The following FTO variants were observed in gnomAD, a reference collection of about 807,000 sequenced individuals.
FTO encodes FTO alpha-ketoglutarate dependent dioxygenase.
Under a neutral mutation model 63.9 loss-of-function variants are expected in FTO, and 47 were observed. That is an observed-to-expected ratio of 0.74 (90% CI 0.58 to 0.94). FTO has a LOEUF of 0.94. FTO is among the 40% of genes least tolerant of loss of function. The pLI, the probability that FTO is intolerant of heterozygous loss-of-function variation, is 0.00. For missense variants in FTO, 562 were observed against 618.1 expected, an observed-to-expected ratio of 0.91 and a Z score of 0.96; for synonymous variants, 207 against 224.4, an observed-to-expected ratio of 0.92 and a Z score of 0.69.
At chr16:53,716,536 T>C (rs1409637676) in intron 1 of FTO, among the ~76,000 whole-genome samples, 3 of 152,110 alleles carry the variant, frequency 2.0e-5, no homozygotes, top group Non-Finnish European at 4.4e-5. Flanking sequence ...TTGTGAAGAT[T>C]AAATGATTTA....
rs932706316 is a variant in FTO at position 53,911,452 on chromosome 16, T to C, written c.1239+22501T>C. ...GGAAGTTAAGAAGTGGCCATACCGT[T>C]GCATTCATCATGGGAAGAATTTCAG... On this transcript the variant is annotated intron_variant, in intron 7 of 8. Coordinates refer to ENST00000471389, the MANE Select transcript of FTO (RefSeq NM_001080432.3). 27 of 702,986 alleles carry C rather than the reference T, an allele frequency of 3.8e-5. No homozygotes were observed. In the African/African-American group the frequency reaches 3.8e-4, roughly 10 times the overall value. The allele number at this position is 702,986 out of a possible 1,614,324, so 43.5% of individuals were successfully genotyped here.
intron 1 of FTO, among the ~76,000 whole-genome samples, chr16:53,808,952 G>C (rs1022171794): frequency 6.6e-6 from 1 of 152,110 alleles, no homozygotes; most frequent in African/African-American, 2.4e-5. Flanking sequence ...ATGTGTATAT[G>C]TGTCTGTGAG....
chr16:53,731,059 G>A (rs1462989565), intron 1 of FTO, among the ~76,000 whole-genome samples: 1 of 152,172 alleles, frequency 6.6e-6, no homozygotes, highest in African/African-American at 2.4e-5. Flanking sequence ...TATGGAAAAG[G>A]TGTCCAGATG....
At chr16:53,901,482 T>C (rs576334244) in intron 7 of FTO, among the ~76,000 whole-genome samples, 1 of 152,330 alleles carries the variant, frequency 6.6e-6, no homozygotes, top group Non-Finnish European at 1.5e-5. Flanking sequence ...ATTCATGAGC[T>C]ATTTGATTTG....
intron 8 of FTO, among the ~76,000 whole-genome samples, chr16:53,955,663 G>A (rs765955784): frequency 1.3e-5 from 2 of 152,224 alleles, no homozygotes; most frequent in Non-Finnish European, 2.9e-5. Context: ...GTTAGGTGCT[G>A]TGGAAAACAC....
chr16:53,944,792 A>G (rs1331083476), intron 8 of FTO, among the ~76,000 whole-genome samples: 2 of 152,258 alleles, frequency 1.3e-5, no homozygotes, highest in Non-Finnish European at 2.9e-5. Flanking sequence ...TTAGGTGTTC[A>G]ATAAAAATGA....
At chr16:53,784,609 C>CT (rs1251411769) in intron 1 of FTO, among the ~76,000 whole-genome samples, 1 of 152,066 alleles carries the variant, frequency 6.6e-6, no homozygotes, top group Non-Finnish European at 1.5e-5. Context: ...GAAAAAGAGA[C>CT]TAAGTTTAAG....
intron 1 of FTO, among the ~76,000 whole-genome samples, chr16:53,788,403 G>C (rs2077807814): frequency 6.6e-6 from 1 of 151,946 alleles, no homozygotes; most frequent in African/African-American, 2.4e-5. Context: ...AGGAGTACGA[G>C]ACCAGCCTGG....
intron 8 of FTO, among the ~76,000 whole-genome samples, chr16:53,966,709 A>C (rs889301587): frequency 6.6e-6 from 1 of 152,210 alleles, no homozygotes; most frequent in Admixed American, 6.5e-5. Context: ...AATAGCCTCC[A>C]AGTTCAGTGA....
At chr16:53,890,258 A>G (rs1842673629) in intron 7 of FTO, among the ~76,000 whole-genome samples, 1 of 152,192 alleles carries the variant, frequency 6.6e-6, no homozygotes, top group South Asian at 2.1e-4. Context: ...TTTTAAAGCC[A>G]TTTTATTGGG....
Position 54,098,279 on chromosome 16 carries a change from G to A in FTO, c.1365-13483G>A, listed in dbSNP as rs373581232. Reference sequence around the variant, plus strand: ...CACACAGTTGGTATTAGATGCTACTGAGTTCCCTACCCTAAGTGACCTGTT... The same window carrying A: ...CACACAGTTGGTATTAGATGCTACTAAGTTCCCTACCCTAAGTGACCTGTT... On this transcript the variant is annotated intron_variant, in intron 8 of 8. Coordinates refer to ENST00000471389, the MANE Select transcript of FTO (RefSeq NM_001080432.3). Among the ~76,000 whole-genome samples, 11 of 152,306 alleles carry A rather than the reference G, an allele frequency of 7.2e-5. No individual in the cohort carries two copies. In the East Asian group the frequency reaches 2.1e-3, roughly 29 times the overall value.
intron 7 of FTO, among the ~76,000 whole-genome samples, chr16:53,892,966 C>T (rs554666689): frequency 2.0e-5 from 3 of 152,246 alleles, no homozygotes; most frequent in African/African-American, 7.2e-5. Context: ...TCTAAAACTC[C>T]CCCATCCTCC....
intron 8 of FTO, among the ~76,000 whole-genome samples, chr16:54,069,641 C>G (rs1230252467): frequency 6.6e-6 from 1 of 151,954 alleles, no homozygotes; most frequent in Non-Finnish European, 1.5e-5. Flanking sequence ...GAAGCCTATT[C>G]ATAAGTATTA....
chr16:54,039,826 A>T (rs957043825), intron 8 of FTO: 1 of 152,220 alleles, frequency 6.6e-6, no homozygotes, highest in Non-Finnish European at 1.5e-5. Context: ...ATCACTTATT[A>T]GGCCTCTTGC....
At chr16:53,884,239 A>G (rs1057463710) in intron 6 of FTO, among the ~76,000 whole-genome samples, 3 of 152,236 alleles carry the variant, frequency 2.0e-5, no homozygotes, top group African/African-American at 7.2e-5. Flanking sequence ...AATTATAAGC[A>G]GAATCTTCTT....
At chr16:53,717,470 C>T (rs769387298) in intron 1 of FTO, among the ~76,000 whole-genome samples, 120 of 151,922 alleles carry the variant, frequency 7.9e-4, no homozygotes, top group Non-Finnish European at 8.0e-4. Context: ...ATTTTGCTAA[C>T]GTGTTCGTCT....
At chr16:54,038,070 C>G (rs940917330) in intron 8 of FTO, among the ~76,000 whole-genome samples, 7 of 152,202 alleles carry the variant, frequency 4.6e-5, no homozygotes, top group African/African-American at 1.7e-4. Context: ...TTGGGCACAG[C>G]TGGAACCTTT....
chr16:53,891,636 G>T (rs1246768695), intron 7 of FTO, among the ~76,000 whole-genome samples: 1 of 151,456 alleles, frequency 6.6e-6, no homozygotes, highest in Non-Finnish European at 1.5e-5. Flanking sequence ...ACTCTAGCCT[G>T]GGTGACAGAG....
intron 7 of FTO, among the ~76,000 whole-genome samples, chr16:53,900,769 G>A (rs921508001): frequency 6.6e-6 from 1 of 151,996 alleles, no homozygotes; most frequent in Non-Finnish European, 1.5e-5. Flanking sequence ...GAATACGAAG[G>A]ATTTTGATAG....
Sources: allele counts gnomAD v4.1 joint callset (sites outside exome capture counted in the v4.1 genomes callset), GRCh38; gene constraint gnomAD v4.1.1; transcripts MANE v1.5; gene names NCBI Gene and HGNC (gene_info 2026-07-23, HGNC 2026-07-21).